Variants in PLXND1 observed in about 807,000 individuals in gnomAD.
The protein encoded by PLXND1 is plexin-D1.
Under a neutral mutation model 197.7 loss-of-function variants are expected in PLXND1, and 54 were observed. The ratio of observed to expected loss-of-function variants is 0.27; its 90% CI spans 0.22 to 0.34. PLXND1 has a LOEUF of 0.34. PLXND1 is among the 10% of genes least tolerant of loss of function. The pLI is 1.00. For synonymous variants in PLXND1, 1,180 were observed against 1,161.2 expected (o/e 1.02, Z -0.33); for missense variants, 2,127 against 2,699.2 (o/e 0.79, Z 4.70).
At chr3:129,597,314 A>C (rs1464749343) in intron 1 of PLXND1, among the ~76,000 whole-genome samples, 1 of 151,376 alleles carries the variant, frequency 6.6e-6, no homozygotes, top group Non-Finnish European at 1.5e-5. Context: ...AGCTGGAAAA[A>C]CCCTGGGTTT....
intron 1 of PLXND1, among the ~76,000 whole-genome samples, chr3:129,603,934 GA>G (rs1357181650): frequency 6.6e-6 from 1 of 152,170 alleles, no homozygotes; most frequent in Non-Finnish European, 1.5e-5. Context: ...CAGATGGGTG[GA>G]GGGTGTGGGA....
At position 129,584,106 on chromosome 3, in the gene PLXND1, A is replaced by G; in HGVS notation, c.2138+19T>C. ...TTCCTCCCTCCACCAACTGGAGGCA[A>G]GCCACCCAAGCCACTCACGCTGTGT... is the stretch of plus-strand genomic sequence containing the variant. On this transcript the variant is annotated intron_variant, in intron 7 of 35. Transcript: ENST00000324093. The G allele has an allele frequency of 6.6e-7, 1 of 1,510,894 alleles. No homozygotes were observed. Among genetic ancestry groups the G allele is most frequent in the South Asian group, 1.2e-5 (1 of 83,342 alleles). The allele number at this position is 1,510,894 out of a possible 1,614,324, so 93.6% of individuals were successfully genotyped here. A position where few individuals can be genotyped will look rare whatever the true frequency, so the allele number is the denominator to read the frequency against.
At chr3:129,563,842 G>A (rs899102502) in intron 25 of PLXND1, among the ~76,000 whole-genome samples, 1 of 152,166 alleles carries the variant, frequency 6.6e-6, no homozygotes, top group Non-Finnish European at 1.5e-5. Flanking sequence ...TGTTCCACTG[G>A]GATAGTTTTA....
In PLXND1 at chr3:129,556,611, A is replaced by G. The variant is rs754270300; in HGVS notation, c.5661+6T>C. ...GAGGGCAGGTGCCTCACCCTGGGGCACTCACCTGCGGCCGATACCTCTTGG... is the reference window on the plus strand; with the variant it reads ...GAGGGCAGGTGCCTCACCCTGGGGCGCTCACCTGCGGCCGATACCTCTTGG... On this transcript the variant is annotated splice_donor_region_variant and intron_variant, in intron 35 of 35. Coordinates refer to ENST00000324093, the MANE Select transcript of PLXND1 (RefSeq NM_015103.3). 1 of 1,607,486 alleles carries G rather than the reference A, an allele frequency of 6.2e-7. No homozygotes were observed. The highest frequency in any genetic ancestry group is 8.5e-7 in the Non-Finnish European group (1 of 1,174,662).
Position 129,589,524 on chromosome 3 carries a change from G to A in PLXND1, c.1315C>T (p.Gln439Ter). The A allele has an allele frequency of 6.3e-7, 1 of 1,578,618 alleles. No individual in the cohort carries two copies. The highest frequency in any genetic ancestry group is 8.6e-7 in the Non-Finnish European group (1 of 1,163,572). The change falls in exon 2 of 36, where the codon CAG (glutamine) becomes TAG (stop). Residue 439 changes from glutamine to a stop codon, truncating the protein, a stop_gained. Coordinates refer to ENST00000324093, the MANE Select transcript of PLXND1 (RefSeq NM_015103.3). LOFTEE classifies it high-confidence loss of function. ...GCTCCACAGTCCAGCTGCTCTGGCT[G>A]GAGCTGGAAGAGGAACGGCACGTCA... is the stretch of plus-strand genomic sequence containing the variant. Reference protein sequence around the residue: ...ACERKLNIQLQPEQLDCGAAH... With the variant: ...ACERKLNIQL
At position 129,562,875 on chromosome 3, in the gene PLXND1, C is replaced by T. The variant is rs2285359; in HGVS notation, c.4737G>A (p.Thr1579=). ...SLSVRAMDTD[T]LTQVKEKILE... is the part of the protein sequence containing the mutation. Reference sequence around the variant, plus strand: ...GGATCTTCTCCTTGACCTGTGTCAGCGTGTCGGTGTCCATGGCCCGCACGC... The same window carrying T: ...GGATCTTCTCCTTGACCTGTGTCAGTGTGTCGGTGTCCATGGCCCGCACGC... Residue 1579 remains threonine, a synonymous_variant, in exon 27 of 36, where the codon ACG becomes ACA. Transcript: ENST00000324093. The T allele has an allele frequency of 0.024, 38,652 of 1,611,954 alleles. 3,084 individuals are homozygous for T. In the East Asian group the frequency reaches 0.26, roughly 11 times the overall value.
At position 129,606,585 on chromosome 3, in the gene PLXND1, T is replaced by TGGC; in HGVS notation, c.52_54dup (p.Ala18dup). On this transcript the variant is annotated inframe_insertion, in exon 1 of 36. Transcript: ENST00000324093. ...GGCGGCGTCTGGAACGGCGGGGGGC[T>TGGC]GGCGGCGGCGGCCCGGGCGCTAAGG... 8 of 1,221,782 alleles carry TGGC rather than the reference T, an allele frequency of 6.5e-6. No homozygotes were observed. The highest frequency in any genetic ancestry group is 8.1e-6 in the Non-Finnish European group (8 of 982,344). 75.7% of individuals were successfully genotyped at this position (1,221,782 alleles called of 1,614,324 possible).
chr3:129,578,712 G>A (rs1299916876), intron 8 of PLXND1, among the ~76,000 whole-genome samples: 1 of 152,168 alleles, frequency 6.6e-6, no homozygotes, highest in East Asian at 1.9e-4. Context: ...CTCCATGAGT[G>A]CTCCCTGGCC....
At chr3:129,580,611 G>A (rs556350714) in intron 8 of PLXND1, among the ~76,000 whole-genome samples, 30 of 152,110 alleles carry the variant, frequency 2.0e-4, no homozygotes, top group Non-Finnish European at 4.1e-4. Context: ...TGAATGATGT[G>A]TGACCATCCC....
intron 25 of PLXND1, among the ~76,000 whole-genome samples, chr3:129,565,005 A>G (rs2085117280): frequency 6.6e-6 from 1 of 152,232 alleles, no homozygotes; most frequent in South Asian, 2.1e-4. Flanking sequence ...GAGAGCCTCA[A>G]GGGCCAGCCA....
Position 129,560,424 on chromosome 3 carries a change from G to A in PLXND1, c.5039C>T (p.Thr1680Met), listed in dbSNP as rs569800532. 2.0e-5 allele frequency: 33 copies of A among 1,612,402 alleles called. No individual in the cohort carries two copies. Among genetic ancestry groups the A allele is most frequent in the African/African-American group, 6.7e-5 (5 of 74,896 alleles). Reference sequence around the variant, plus strand: ...CTTCTTGGGCTCCGCCAGCTCGTCCGTAGGCAGCACCTGGGAGGCCGGGCA... The same window carrying A: ...CTTCTTGGGCTCCGCCAGCTCGTCCATAGGCAGCACCTGGGAGGCCGGGCA... Reference protein sequence around the residue: ...TEKYFHLVLPTDELAEPKKSH... With the variant: ...TEKYFHLVLPMDELAEPKKSH... The change falls in exon 31 of 36, where the codon ACG (threonine) becomes ATG (methionine). Residue 1680 changes from threonine (T) to methionine (M), a missense_variant. Thr to Met is a moderately conservative substitution (Grantham distance 81). Coordinates refer to ENST00000324093, the MANE Select transcript of PLXND1 (RefSeq NM_015103.3).
At chr3:129,587,654 C>T (rs530721259) in intron 2 of PLXND1, among the ~76,000 whole-genome samples, 1 of 152,202 alleles carries the variant, frequency 6.6e-6, no homozygotes, top group Non-Finnish European at 1.5e-5. Flanking sequence ...TTCATGGCTC[C>T]CTTCTGCTTA....
At chr3:129,573,027 C>T in intron 13 of PLXND1, 86 bp from the exon 14 acceptor site, 1 of 851,698 alleles carries the variant, frequency 1.2e-6, no homozygotes. Flanking sequence ...CCATTCCACG[C>T]CATGCCACAC....
rs752071943 is a variant in PLXND1 at position 129,606,522 on chromosome 3, C to CCAGGAG, written c.112_117dup (p.Leu38_Leu39dup). The CCAGGAG allele has an allele frequency of 4.0e-5, 55 of 1,375,654 alleles. No homozygotes were observed. The highest frequency in any genetic ancestry group is 4.6e-4 in the Middle Eastern group (2 of 4,322). The allele number at this position is 1,375,654 out of a possible 1,614,324, so 85.2% of individuals were successfully genotyped here. On this transcript the variant is annotated inframe_insertion, in exon 1 of 36. Transcript: ENST00000324093. Reference sequence around the variant, plus strand: ...TCCAGGGCGCCGGCCCGCGCCGCCCCCAGGAGCAGCAGCAACAGCAGCGGC... The same window carrying CCAGGAG: ...TCCAGGGCGCCGGCCCGCGCCGCCCCCAGGAGCAGGAGCAGCAGCAACAGCAGCGGC...
At chr3:129,570,677 G>A (rs1460265801) in intron 19 of PLXND1, 109 bp downstream of exon 19, 5 of 1,074,674 alleles carry the variant, frequency 4.7e-6, no homozygotes, top group East Asian at 4.7e-5. Flanking sequence ...CTGAGCTGTT[G>A]AGCGTGAAAA....
intron 1 of PLXND1, among the ~76,000 whole-genome samples, chr3:129,595,827 C>T (rs979275454): frequency 2.0e-5 from 3 of 152,042 alleles, no homozygotes; most frequent in Admixed American, 1.3e-4. Flanking sequence ...AAGGACAAGC[C>T]CCAGGCTTAG....
chr3:129,556,100 G>C lies in PLXND1; in HGVS notation c.*212C>G. 2 of 550,148 alleles carry C rather than the reference G, an allele frequency of 3.6e-6. No homozygotes were observed. The highest frequency in any genetic ancestry group is 6.3e-5 in the Admixed American group (2 of 31,632). 34.1% of individuals were successfully genotyped at this position (550,148 alleles called of 1,614,324 possible). Reference sequence around the variant, plus strand: ...CTCTCTGGCCTCCATCCCAGAGACTGATCTGGGGACAGGTGGGAGGGGATG... The same window carrying C: ...CTCTCTGGCCTCCATCCCAGAGACTCATCTGGGGACAGGTGGGAGGGGATG... On this transcript the variant is annotated 3_prime_UTR_variant, in exon 36 of 36. Coordinates refer to ENST00000324093, the MANE Select transcript of PLXND1 (RefSeq NM_015103.3).
In PLXND1 at chr3:129,571,100, C is replaced by A; in HGVS notation, c.3540G>T (p.Thr1180=). ...LDYLPNPQFS[T]AKREKWIKHH... ...GCTTGATCCACTTCTCCCTCTTGGC[C>A]GTAGAGAACTGTGGGTTGGGGAGGT... is the stretch of plus-strand genomic sequence containing the variant. The change falls in exon 18 of 36, where the codon ACG becomes ACT. Residue 1180 remains threonine, a synonymous_variant. Transcript: ENST00000324093. 1.9e-6 allele frequency: 3 copies of A among 1,614,182 alleles called. No homozygotes were observed. Among genetic ancestry groups the A allele is most frequent in the Non-Finnish European group, 2.5e-6 (3 of 1,180,024 alleles).
In PLXND1 at chr3:129,558,921, C is replaced by T. The variant is rs542729397; in HGVS notation, c.5298-346G>A. ...GAACCCTTGCAGGCAGCAGGAAGTC[C>T]GACATTAGCAGAGCAGCTGTGGCAG... On this transcript the variant is annotated intron_variant, in intron 32 of 35. Coordinates refer to ENST00000324093, the MANE Select transcript of PLXND1 (RefSeq NM_015103.3). The surrounding 1 kb of genome is among the most constrained non-coding windows in gnomAD (Gnocchi z 4.1). 4.6e-5 allele frequency among the ~76,000 whole-genome samples: 7 copies of T among 152,116 alleles called. No homozygotes were observed. Among genetic ancestry groups the T allele is most frequent in the East Asian group, 1.9e-4 (1 of 5,186 alleles).
Sources: gnomAD v4.1 joint callset for allele counts (sites outside exome capture counted in the v4.1 genomes callset) on GRCh38, gnomAD v4.1.1 for gene constraint, Gnocchi (gnomAD v3.1) non-coding constraint, MANE v1.5 for transcripts, NCBI Gene and HGNC (gene_info 2026-07-23, HGNC 2026-07-21) for gene names.